Variants in PTPRG observed in about 807,000 individuals in gnomAD.
The protein encoded by PTPRG is receptor-type tyrosine-protein phosphatase gamma.
In PTPRG, 102 loss-of-function variants were observed where a neutral mutation model predicts 165.3. The ratio of observed to expected loss-of-function variants is 0.62; its 90% CI spans 0.53 to 0.73. The LOEUF (loss-of-function observed/expected upper bound fraction) is 0.73, where lower values mean the gene tolerates loss of function less well. PTPRG is among the 30% of genes least tolerant of loss of function. The probability of loss-of-function intolerance (pLI) is 0.00; values close to 1 mark genes in which losing one functional copy is unlikely to be tolerated. For synonymous variants in PTPRG, 675 were observed against 669.5 expected (o/e 1.01, Z -0.13); for missense variants, 1,866 against 1,861.4 (o/e 1.00, Z -0.05).
chr3:61,898,757 A>T (rs1232013653), intron 2 of PTPRG, among the ~76,000 whole-genome samples: 1 of 152,244 alleles, frequency 6.6e-6, no homozygotes, highest in Non-Finnish European at 1.5e-5. Context: ...AAGTGAATAA[A>T]TAAAGAAGAA....
intron 5 of PTPRG, among the ~76,000 whole-genome samples, chr3:62,109,540 T>C (rs906949172): frequency 6.6e-6 from 1 of 152,154 alleles, no homozygotes; most frequent in African/African-American, 2.4e-5. Flanking sequence ...TCTTTTTTGG[T>C]TCCATATGAA....
At chr3:61,760,902 C>T (rs1327266306) in intron 2 of PTPRG, among the ~76,000 whole-genome samples, 2 of 152,136 alleles carry the variant, frequency 1.3e-5, no homozygotes, top group Non-Finnish European at 2.9e-5. Context: ...CAGCTTCATT[C>T]ACATCCCTGC....
At chr3:61,696,857 T>A (rs1044179097) in intron 1 of PTPRG, among the ~76,000 whole-genome samples, 1 of 152,164 alleles carries the variant, frequency 6.6e-6, no homozygotes, top group Non-Finnish European at 1.5e-5. Context: ...AGACTGGGGT[T>A]TAAATATTGC....
At chr3:61,660,742 C>T (rs1244627702) in intron 1 of PTPRG, among the ~76,000 whole-genome samples, 1 of 152,182 alleles carries the variant, frequency 6.6e-6, no homozygotes, top group Non-Finnish European at 1.5e-5. Context: ...TGGCTCACGC[C>T]TGTAATCCCA....
intron 1 of PTPRG, among the ~76,000 whole-genome samples, chr3:61,637,203 A>G (rs1219667038): frequency 6.6e-6 from 1 of 152,226 alleles, no homozygotes; most frequent in Non-Finnish European, 1.5e-5. Flanking sequence ...TCCTGGCATT[A>G]TGGAATTATT....
At position 62,214,979 on chromosome 3, in the gene PTPRG, C is replaced by T. The variant is rs887712176; in HGVS notation, c.2156-3872C>T. 6.6e-6 allele frequency among the ~76,000 whole-genome samples: 1 copy of T among 152,120 alleles called. No homozygotes were observed. The highest frequency in any genetic ancestry group is 2.4e-5 in the African/African-American group (1 of 41,428). On this transcript the variant is annotated intron_variant, in intron 12 of 29. Transcript: ENST00000474889. The surrounding 1 kb of genome is among the most constrained non-coding windows in gnomAD (Gnocchi z 5.2). ...GGATCAATAAGATGAATTCTGGCAT[C>T]AGGAAAGGAAAGGCACTCCCTGCAG...
intron 5 of PTPRG, among the ~76,000 whole-genome samples, chr3:62,129,536 G>C (rs1395905499): frequency 6.6e-6 from 1 of 152,152 alleles, no homozygotes; most frequent in Non-Finnish European, 1.5e-5. Context: ...CGTATCACAT[G>C]AACAAGAGAG....
At chr3:61,709,397 G>A (rs72878430) in intron 1 of PTPRG, among the ~76,000 whole-genome samples, 1 of 151,898 alleles carries the variant, frequency 6.6e-6, no homozygotes, top group Non-Finnish European at 1.5e-5. Flanking sequence ...TTACTGCAAC[G>A]TCCACCTCCT....
rs71100976 is a variant in PTPRG at position 61,767,240 on chromosome 3, C to CAAAAAAAAAA, written c.190+18266_190+18275dup. Among the ~76,000 whole-genome samples, 135 of 111,516 alleles carry CAAAAAAAAAA rather than the reference C, an allele frequency of 1.2e-3. 6 individuals are homozygous for CAAAAAAAAAA. Among genetic ancestry groups the CAAAAAAAAAA allele is most frequent in the African/African-American group, 4.2e-3 (125 of 29,550 alleles). 73.2% of individuals were successfully genotyped at this position (111,516 alleles called of 152,430 possible). A position where few individuals can be genotyped will look rare whatever the true frequency, so the allele number is the denominator to read the frequency against. On this transcript the variant is annotated intron_variant, in intron 2 of 29. Transcript: ENST00000474889. ...GCCTTGTGACAGCAAGATTCCATCT[C>CAAAAAAAAAA]AAAAAAAAAAAAAAAAAGAAAGTAG...
chr3:61,973,665 C>T (rs1174181166), intron 2 of PTPRG, among the ~76,000 whole-genome samples: 1 of 151,880 alleles, frequency 6.6e-6, no homozygotes, highest in Non-Finnish European at 1.5e-5. Flanking sequence ...AACCTCATCT[C>T]TACTAAAAAT....
intron 5 of PTPRG, among the ~76,000 whole-genome samples, chr3:62,116,011 G>T (rs2106873869): frequency 6.6e-6 from 1 of 152,302 alleles, no homozygotes; most frequent in East Asian, 1.9e-4. Context: ...GATTATTGTA[G>T]CAACTCTCAT....
At chr3:61,898,197 T>C (rs996933061) in intron 2 of PTPRG, among the ~76,000 whole-genome samples, 10 of 152,150 alleles carry the variant, frequency 6.6e-5, no homozygotes, top group African/African-American at 2.2e-4. Flanking sequence ...TACAAATCTC[T>C]CTGTAGGTGT....
At chr3:61,753,207 A>G (rs763619944) in intron 2 of PTPRG, among the ~76,000 whole-genome samples, 59 of 152,222 alleles carry the variant, frequency 3.9e-4, no homozygotes, top group Non-Finnish European at 6.9e-4. Flanking sequence ...GAACATAAAT[A>G]TAAGTTATTG....
At chr3:61,645,641 A>C (rs1224676349) in intron 1 of PTPRG, among the ~76,000 whole-genome samples, 1 of 152,164 alleles carries the variant, frequency 6.6e-6, no homozygotes, top group African/African-American at 2.4e-5. Context: ...CGGGTTGGCA[A>C]ATTTTTTCTC....
intron 1 of PTPRG, among the ~76,000 whole-genome samples, chr3:61,702,524 C>A (rs756951786): frequency 6.6e-6 from 1 of 152,220 alleles, no homozygotes; most frequent in South Asian, 2.1e-4. Flanking sequence ...TTTATACACA[C>A]GTGTACACAC....
chr3:62,050,566 G>C (rs983460110), intron 4 of PTPRG, among the ~76,000 whole-genome samples: 1 of 152,180 alleles, frequency 6.6e-6, no homozygotes, highest in African/African-American at 2.4e-5. Context: ...GAGTGGCCAT[G>C]TTTTTTAAAT....
At chr3:62,112,929 G>A (rs1576017142) in intron 5 of PTPRG, among the ~76,000 whole-genome samples, 1 of 152,310 alleles carries the variant, frequency 6.6e-6, no homozygotes, top group East Asian at 1.9e-4. Flanking sequence ...ACTTTGGGGT[G>A]TATGTCTTTA....
intron 2 of PTPRG, among the ~76,000 whole-genome samples, chr3:61,761,436 A>G (rs1377884005): frequency 6.6e-6 from 1 of 152,118 alleles, no homozygotes; most frequent in Non-Finnish European, 1.5e-5. Flanking sequence ...AAAATTAGCC[A>G]GGCGTGGTGG....
rs1222977063 is a variant in PTPRG at position 62,210,673 on chromosome 3, T to G, written c.2155+6723T>G. Among the ~76,000 whole-genome samples the G allele has an allele frequency of 6.6e-6, 1 of 152,142 alleles. No individual in the cohort carries two copies. The highest frequency in any genetic ancestry group is 2.4e-5 in the African/African-American group (1 of 41,450). On this transcript the variant is annotated intron_variant, in intron 12 of 29. Coordinates refer to ENST00000474889, the MANE Select transcript of PTPRG (RefSeq NM_002841.4). This position sits in a 1 kb window ranked among gnomAD's most constrained non-coding sequence, Gnocchi z 4.1. ...CCCTGAGAGAGCAAGACCAACCCCT[T>G]TTCATTCTCCCCTCATCAACCTACT...
Sources: gnomAD v4.1 joint callset for allele counts (sites outside exome capture counted in the v4.1 genomes callset) on GRCh38, gnomAD v4.1.1 for gene constraint, Gnocchi (gnomAD v3.1) non-coding constraint, MANE v1.5 for transcripts, NCBI Gene and HGNC (gene_info 2026-07-23, HGNC 2026-07-21) for gene names.